Variants in ARHGEF4 observed in about 807,000 individuals in gnomAD.
ARHGEF4 encodes APC-stimulated guanine nucleotide exchange factor 1.
ARHGEF4 carries 119 observed loss-of-function variants against 162.0 expected under a neutral mutation model. The observed-to-expected ratio is 0.73, with a 90% CI of 0.63 to 0.86. The LOEUF (loss-of-function observed/expected upper bound fraction) is 0.86, where lower values mean the gene tolerates loss of function less well. Among genes scored for constraint, ARHGEF4 ranks in the 40% least tolerant of loss-of-function variants. The probability of loss-of-function intolerance (pLI) is 0.00; values close to 1 mark genes in which losing one functional copy is unlikely to be tolerated. For synonymous variants in ARHGEF4, 1,014 were observed against 979.9 expected, an observed-to-expected ratio of 1.03 and a Z score of -0.65; for missense variants, 2,488 against 2,456.0, an observed-to-expected ratio of 1.01 and a Z score of -0.28.
At chr2:130,870,254 G>C (rs16856216) in intron 1 of ARHGEF4, among the ~76,000 whole-genome samples, 5,430 of 152,290 alleles carry the variant, frequency 0.036, 184 homozygotes, top group East Asian at 0.1. Context: ...ACGCTGAACA[G>C]ACGAGATGGG....
At chr2:130,875,990 G>A (rs967515679) in intron 1 of ARHGEF4, among the ~76,000 whole-genome samples, 5 of 152,234 alleles carry the variant, frequency 3.3e-5, no homozygotes, top group Admixed American at 6.5e-5. Flanking sequence ...CTCCCATCAC[G>A]CCGCTTCACT....
intron 5 of ARHGEF4, chr2:131,035,050 CGGCGGGATCTCG>C: frequency 1.0e-6 from 1 of 996,902 alleles, no homozygotes. Flanking sequence ...CGGCCCTGTG[CGGCGGGATCTCG>C]GGGCCGCACG....
intron 4 of ARHGEF4, among the ~76,000 whole-genome samples, chr2:130,997,526 T>C (rs968571080): frequency 6.6e-6 from 1 of 152,222 alleles, no homozygotes; most frequent in Admixed American, 6.5e-5. Context: ...CATTCTTCTC[T>C]GGTTTTCTGT....
Position 131,043,493 on chromosome 2 carries a change from G to A in ARHGEF4, c.5067G>A (p.Ser1689=), listed in dbSNP as rs199937668. Residue 1689 remains serine (S), a synonymous_variant, in exon 11 of 14, where the codon TCG becomes TCA. Transcript: ENST00000409359. Reference sequence around the variant, plus strand: ...TCAGGAGCTCAGAACTCATCTACTCGGGGGAGCTGACTCGAGTTACACAGC... The same window carrying A: ...TCAGGAGCTCAGAACTCATCTACTCAGGGGAGCTGACTCGAGTTACACAGC... ...LLVRSSELIY[S]GELTRVTQPQ... 132 of 1,614,012 alleles carry A rather than the reference G, an allele frequency of 8.2e-5. No homozygotes were observed. The East Asian group carries it at 2.6e-3, about 31-fold the overall frequency.
At chr2:130,961,882 C>A (rs984456827) in intron 4 of ARHGEF4, among the ~76,000 whole-genome samples, 15 of 152,018 alleles carry the variant, frequency 9.9e-5, no homozygotes, top group Non-Finnish European at 1.9e-4. Flanking sequence ...CAGATGGTGA[C>A]CCCATGCAGA....
At chr2:130,980,126 G>A (rs1260230693) in intron 4 of ARHGEF4, among the ~76,000 whole-genome samples, 3 of 152,282 alleles carry the variant, frequency 2.0e-5, no homozygotes, top group Non-Finnish European at 2.9e-5. Context: ...GATGGGCATG[G>A]TGGCTCATGC....
rs987601606 is a variant in ARHGEF4, at chr2:131,046,479, C to T, written c.*290C>T. 12 of 357,310 alleles carry T rather than the reference C, an allele frequency of 3.4e-5. No homozygotes were observed. Among genetic ancestry groups the T allele is most frequent in the African/African-American group, 8.4e-5 (4 of 47,848 alleles). The allele number at this position is 357,310 out of a possible 1,614,324, so 22.1% of individuals were successfully genotyped here. On this transcript the variant is annotated 3_prime_UTR_variant, in exon 14 of 14. Transcript: ENST00000409359. ...CCTGTGTAGGGCCTCACTGCTGGAG[C>T]GGGGAAACCGCAGCTCAGCCCAGGC...
chr2:130,988,901 T>TATATATATATAGAG (rs1469212068), intron 4 of ARHGEF4, among the ~76,000 whole-genome samples: 2 of 113,382 alleles, frequency 1.8e-5, no homozygotes, highest in Admixed American at 9.4e-5. Flanking sequence ...TATATATATA[T>TATATATATATAGAG]AGAGAGAGAG....
chr2:130,845,682 G>A (rs1680910208), intron 1 of ARHGEF4, among the ~76,000 whole-genome samples: 1 of 152,188 alleles, frequency 6.6e-6, no homozygotes, highest in Admixed American at 6.5e-5. Flanking sequence ...GAGAAGCTGG[G>A]TCAAGTGGTA....
chr2:130,909,558 T>C (rs982015189), intron 1 of ARHGEF4, among the ~76,000 whole-genome samples: 4 of 152,096 alleles, frequency 2.6e-5, no homozygotes, highest in African/African-American at 9.7e-5. Context: ...GTCATCATAT[T>C]GATGGTGGTC....
intron 4 of ARHGEF4, among the ~76,000 whole-genome samples, chr2:131,013,761 C>T (rs982542507): frequency 2.6e-5 from 4 of 152,192 alleles, no homozygotes; most frequent in Non-Finnish European, 4.4e-5. Flanking sequence ...CCGCCACACC[C>T]GGCTAATTTT....
intron 13 of ARHGEF4, 73 bp from the exon 14 acceptor site, chr2:131,045,965 A>G: frequency 1.3e-6 from 2 of 1,548,996 alleles, no homozygotes; most frequent in East Asian, 2.3e-5. Context: ...GACGGACCCC[A>G]TGCTGTCCCC....
chr2:131,007,134 G>A (rs1159310965), intron 4 of ARHGEF4, among the ~76,000 whole-genome samples: 1 of 152,170 alleles, frequency 6.6e-6, no homozygotes, highest in Admixed American at 6.5e-5. Context: ...TTAATTTATG[G>A]ACCTACTATG....
chr2:130,912,415 G>A (rs1270484119), intron 1 of ARHGEF4, among the ~76,000 whole-genome samples: 3 of 152,170 alleles, frequency 2.0e-5, no homozygotes, highest in East Asian at 3.8e-4. Context: ...TATTCCGAAC[G>A]CCTTCTGCTT....
chr2:130,956,805 CAG>C (rs1251375291), intron 4 of ARHGEF4, among the ~76,000 whole-genome samples: 4 of 116,196 alleles, frequency 3.4e-5, no homozygotes, highest in East Asian at 2.4e-4. Context: ...ACATCACACT[CAG>C]GGGACTGTCG....
chr2:131,018,938 G>C (rs1274588130), intron 4 of ARHGEF4, among the ~76,000 whole-genome samples: 1 of 151,984 alleles, frequency 6.6e-6, no homozygotes, highest in Non-Finnish European at 1.5e-5. Context: ...CAGTTCTATT[G>C]GTCTATATAT....
intron 1 of ARHGEF4, among the ~76,000 whole-genome samples, chr2:130,905,423 CTCTT>C (rs560585672): frequency 1.1e-3 from 174 of 152,208 alleles, no homozygotes; most frequent in Non-Finnish European, 2.0e-3. Flanking sequence ...CTTTTAATGA[CTCTT>C]TATCATAATT....
rs1691307792 is a variant in ARHGEF4, at chr2:131,046,934, T to C, written c.*745T>C. On this transcript the variant is annotated 3_prime_UTR_variant, in exon 14 of 14. Transcript: ENST00000409359. Reference sequence around the variant, plus strand: ...CTGGTTTTGTTTGGATTTTGGCATCTTGTTTTTCTAACAACAAACAATGGA... The same window carrying C: ...CTGGTTTTGTTTGGATTTTGGCATCCTGTTTTTCTAACAACAAACAATGGA... The C allele has an allele frequency of 6.5e-6, 1 of 152,716 alleles. No homozygotes were observed. Among genetic ancestry groups the C allele is most frequent in the African/African-American group, 2.4e-5 (1 of 41,472 alleles). 9.5% of individuals were successfully genotyped at this position (152,716 alleles called of 1,614,324 possible).
chr2:131,019,913 C>G (rs563185759), intron 4 of ARHGEF4, among the ~76,000 whole-genome samples: 1 of 152,176 alleles, frequency 6.6e-6, no homozygotes, highest in African/African-American at 2.4e-5. Context: ...GGATTACAGG[C>G]GTGAGCCACC....
Sources: gnomAD v4.1 joint callset for allele counts (sites outside exome capture counted in the v4.1 genomes callset) on GRCh38, gnomAD v4.1.1 for gene constraint, MANE v1.5 for transcripts, NCBI Gene and HGNC (gene_info 2026-07-23, HGNC 2026-07-21) for gene names.